Variants in CPA4 observed in about 807,000 individuals in gnomAD.
The protein encoded by CPA4 is carboxypeptidase A4.
In CPA4, 49 loss-of-function variants were observed where a neutral mutation model predicts 54.7. The ratio of observed to expected loss-of-function variants is 0.90; its 90% CI spans 0.71 to 1.14. The LOEUF is 1.14. CPA4 is among the 50% of genes most tolerant of loss of function. The probability of loss-of-function intolerance (pLI) is 0.00; values close to 1 mark genes in which losing one functional copy is unlikely to be tolerated. For missense variants in CPA4, 487 were observed against 525.1 expected, an observed-to-expected ratio of 0.93 and a Z score of 0.71; for synonymous variants, 215 against 206.8, an observed-to-expected ratio of 1.04 and a Z score of -0.34.
intron 8 of CPA4, among the ~76,000 whole-genome samples, chr7:130,308,723 A>ATTTTTTTGTATTTTTTT (rs199996063): frequency 0.016 from 2,377 of 145,142 alleles, 29 homozygotes; most frequent in Non-Finnish European, 0.025. Context: ...ACGCCCGGCT[A>ATTTTTTTGTATTTTTTT]TTTTTTTTCA....
At chr7:130,297,317 G>A (rs1793665352) in intron 1 of CPA4, among the ~76,000 whole-genome samples, 1 of 152,152 alleles carries the variant, frequency 6.6e-6, no homozygotes. Flanking sequence ...GGAACGATCA[G>A]GTTTGATGCC....
intron 8 of CPA4, among the ~76,000 whole-genome samples, chr7:130,309,150 T>G (rs1014960358): frequency 1.3e-5 from 2 of 152,358 alleles, no homozygotes; most frequent in South Asian, 4.1e-4. Context: ...CCGGACTGTT[T>G]GTTGTTTTTT....
At chr7:130,313,827 A>G (rs1230417875) in intron 10 of CPA4, among the ~76,000 whole-genome samples, 1 of 152,252 alleles carries the variant, frequency 6.6e-6, no homozygotes, top group Non-Finnish European at 1.5e-5. Context: ...TGCCACACCA[A>G]AAGAACAAGA....
chr7:130,293,985 A>G (rs535153631), intron 1 of CPA4, among the ~76,000 whole-genome samples: 96 of 152,302 alleles, frequency 6.3e-4, no homozygotes, highest in Middle Eastern at 3.4e-3. Flanking sequence ...AGGAGAGATA[A>G]AAGGGATACC....
At chr7:130,305,406 C>A (rs1793803817) in intron 5 of CPA4, among the ~76,000 whole-genome samples, 2 of 152,166 alleles carry the variant, frequency 1.3e-5, no homozygotes. Context: ...TATAGCGAGC[C>A]CCCCTTCTTC....
In CPA4 at chr7:130,298,828, G is replaced by T. The variant is rs765005297; in HGVS notation, c.150+1G>T. The T allele has an allele frequency of 8.8e-6, 14 of 1,585,866 alleles. No homozygotes were observed. Among genetic ancestry groups the T allele is most frequent in the Non-Finnish European group, 1.2e-5 (14 of 1,154,410 alleles). On this transcript the variant is annotated splice_donor_variant, in intron 2 of 10. Coordinates refer to ENST00000222482, the MANE Select transcript of CPA4 (RefSeq NM_016352.4). LOFTEE classifies it high-confidence loss of function. ...ACTAGTGAATTCAAACAACTTGAAG[G>T]TACCTGGTTCTTTTTAGCTCTCCTG...
chr7:130,307,447 T>C (rs1218169096), intron 7 of CPA4, among the ~76,000 whole-genome samples: 2 of 151,940 alleles, frequency 1.3e-5, no homozygotes, highest in Non-Finnish European at 2.9e-5. Context: ...CTGGCTAACA[T>C]GGTGAAACCA....
chr7:130,313,168 C>T (rs549833130), intron 10 of CPA4, among the ~76,000 whole-genome samples: 1 of 152,180 alleles, frequency 6.6e-6, no homozygotes, highest in East Asian at 1.9e-4. Context: ...GTAGGAGTAA[C>T]GCTGTCTGTA....
At chr7:130,311,978 C>T (rs369255418) in intron 9 of CPA4, 60 bp from the exon 10 acceptor site, 1 of 1,208,044 alleles carries the variant, frequency 8.3e-7, no homozygotes, top group African/African-American at 1.5e-5. Flanking sequence ...AGCAGAGCAG[C>T]TGAGGAAGGT....
At chr7:130,304,380 G>A (rs1446999117) in intron 4 of CPA4, 98 bp from the exon 5 acceptor site, 12 of 813,790 alleles carry the variant, frequency 1.5e-5, no homozygotes, top group East Asian at 7.3e-5. Context: ...TTAGGGTCCC[G>A]GAAGAGATAG....
chr7:130,302,244 T>C (rs1318762856), intron 4 of CPA4, among the ~76,000 whole-genome samples: 1 of 152,118 alleles, frequency 6.6e-6, no homozygotes, highest in African/African-American at 2.4e-5. Flanking sequence ...CCCAGAACTT[T>C]GGGAGGCCGA....
chr7:130,311,843 A>T (rs1369735840), intron 9 of CPA4, among the ~76,000 whole-genome samples, 195 bp from the exon 10 acceptor site: 1 of 152,044 alleles, frequency 6.6e-6, no homozygotes, highest in African/African-American at 2.4e-5. Context: ...GTGTGGTGGG[A>T]GAAGGAGTTG....
intron 5 of CPA4, among the ~76,000 whole-genome samples, chr7:130,305,443 A>C (rs1391691300): frequency 1.3e-5 from 2 of 152,202 alleles, no homozygotes; most frequent in Admixed American, 1.3e-4. Context: ...TTCATTTATC[A>C]TGTCGACCGA....
chr7:130,313,298 A>G (rs1793940713), intron 10 of CPA4, among the ~76,000 whole-genome samples: 1 of 152,238 alleles, frequency 6.6e-6, no homozygotes, highest in African/African-American at 2.4e-5. Context: ...GACAGAGCCC[A>G]GGAATGGGAT....
chr7:130,313,667 G>A (rs1489703012), intron 10 of CPA4, among the ~76,000 whole-genome samples: 1 of 152,162 alleles, frequency 6.6e-6, no homozygotes, highest in East Asian at 1.9e-4. Context: ...TCCATCAAAG[G>A]AATGACGTGG....
rs1793829779 is a variant in CPA4, at chr7:130,306,875, G to T, written c.680G>T (p.Gly227Val). ...IFLLPVANPD[G>V]YVYTQTQNRL... is the part of the protein sequence containing the mutation. Reference sequence around the variant, plus strand: ...TTGTTGCCTGTGGCCAATCCTGATGGATATGTGTATACTCAAACTCAAGTG... The same window carrying T: ...TTGTTGCCTGTGGCCAATCCTGATGTATATGTGTATACTCAAACTCAAGTG... The change falls in exon 7 of 11, where the codon GGA (glycine) becomes GTA (valine). Residue 227 changes from glycine to valine, a missense_variant. By Grantham distance (109) the Gly-to-Val change is moderately radical (BLOSUM62 -3). Coordinates refer to ENST00000222482, the MANE Select transcript of CPA4 (RefSeq NM_016352.4). 2 of 1,599,828 alleles carry T rather than the reference G, an allele frequency of 1.3e-6. No homozygotes were observed.
chr7:130,321,301 A>T (rs1395895122), intron 10 of CPA4, among the ~76,000 whole-genome samples: 1 of 152,168 alleles, frequency 6.6e-6, no homozygotes, highest in Non-Finnish European at 1.5e-5. Flanking sequence ...TGCCCTTCAT[A>T]AGCCTTTTGG....
chr7:130,310,748 A>C lies in CPA4; in HGVS notation c.794-39A>C, dbSNP rs752981920. On this transcript the variant is annotated intron_variant, in intron 8 of 10. Transcript: ENST00000222482. This position sits in a 1 kb window ranked among gnomAD's most constrained non-coding sequence, Gnocchi z 4.3. ...GCGTCTTGCATTTCTGTGTTCTTGG[A>C]CTATGAGTTAATGTTTGTTCTTGGG... 1.3e-6 allele frequency: 2 copies of C among 1,581,484 alleles called. No homozygotes were observed. The highest frequency in any genetic ancestry group is 1.7e-6 in the Non-Finnish European group (2 of 1,150,606).
Position 130,306,834 on chromosome 7 carries a change from G to T in CPA4, c.639G>T (p.Glu213Asp), listed in dbSNP as rs771641019. ...QRDPAITSILEKMDIFLLPVA... is the reference protein window; with the variant it reads ...QRDPAITSILDKMDIFLLPVA... ...ATCCAGCTATCACCTCCATCTTGGA[G>T]AAAATGGATATTTTCTTGTTGCCTG... is the stretch of plus-strand genomic sequence containing the variant. The change falls in exon 7 of 11, where the codon GAG becomes GAT. Residue 213 changes from glutamate (E) to aspartate (D), a missense_variant. By Grantham distance (45) the Glu-to-Asp change is conservative. Transcript: ENST00000222482. 5 of 1,612,134 alleles carry T rather than the reference G, an allele frequency of 3.1e-6. No homozygotes were observed. In the East Asian group the frequency reaches 6.7e-5, roughly 22 times the overall value.
Sources: gnomAD v4.1 joint callset for allele counts (sites outside exome capture counted in the v4.1 genomes callset) on GRCh38, gnomAD v4.1.1 for gene constraint, Gnocchi (gnomAD v3.1) non-coding constraint, MANE v1.5 for transcripts, NCBI Gene and HGNC (gene_info 2026-07-23, HGNC 2026-07-21) for gene names.